CAST: variants seen among roughly 807,000 people sequenced by gnomAD.
CAST encodes MIR583 host.
Under a neutral mutation model 119.6 loss-of-function variants are expected in CAST, and 76 were observed. The observed-to-expected ratio is 0.64, with a 90% CI of 0.53 to 0.77. The LOEUF (loss-of-function observed/expected upper bound fraction) is 0.77. Among genes scored for constraint, CAST ranks in the 30% least tolerant of loss-of-function variants. The probability of loss-of-function intolerance (pLI) is 0.00; values close to 1 mark genes in which losing one functional copy is unlikely to be tolerated. For missense variants in CAST, 953 were observed against 946.5 expected, an observed-to-expected ratio of 1.01 and a Z score of -0.09; for synonymous variants, 319 against 331.6, an observed-to-expected ratio of 0.96 and a Z score of 0.41.
chr5:96,656,136 G>A (rs1012680616), intron 1 of CAST, among the ~76,000 whole-genome samples: 1 of 152,166 alleles, frequency 6.6e-6, no homozygotes, highest in African/African-American at 2.4e-5. Context: ...CAAATCATGT[G>A]CATTTATATG....
At chr5:96,080,878 G>A in the CAST span, among the ~76,000 whole-genome samples, 2 of 152,114 alleles carry the variant, frequency 1.3e-5, no homozygotes, top group African/African-American at 4.8e-5. Context: ...ATTTCCCTTT[G>A]AGCTCTCTTA....
chr5:96,198,916 T>C, the CAST span, among the ~76,000 whole-genome samples: 1 of 152,160 alleles, frequency 6.6e-6, no homozygotes, highest in African/African-American at 2.4e-5. Flanking sequence ...CCATTTTTCA[T>C]GTTCCATATC....
chr5:96,597,283 C>T (rs1477788250), intron 1 of CAST, among the ~76,000 whole-genome samples: 6 of 152,146 alleles, frequency 3.9e-5, no homozygotes, highest in Non-Finnish European at 7.3e-5. Context: ...TATCCATCTG[C>T]CCTAAAAAAG....
chr5:96,562,810 C>CA (rs796899480), intron 1 of CAST, among the ~76,000 whole-genome samples: 13 of 152,220 alleles, frequency 8.5e-5, no homozygotes, highest in African/African-American at 3.1e-4. Flanking sequence ...ATAAAAGAAA[C>CA]AAAATGAGGC....
Position 96,549,569 on chromosome 5 carries a change from G to A in CAST, c.60+19689G>A, listed in dbSNP as rs534368476. ...ACAGTGGGTGAAGCCCATGGTGGGCGAGTGGAAGCAGGGCGGGGCATCACC... is the reference window on the plus strand; with the variant it reads ...ACAGTGGGTGAAGCCCATGGTGGGCAAGTGGAAGCAGGGCGGGGCATCACC... On this transcript the variant is annotated intron_variant, in intron 1 of 11. Coordinates refer to the CAST transcript ENST00000505143. Among the ~76,000 whole-genome samples, 7 of 152,320 alleles carry A rather than the reference G, an allele frequency of 4.6e-5. No homozygotes were observed. In the South Asian group the frequency reaches 1.0e-3, roughly 23 times the overall value.
At chr5:96,682,225 A>C (rs982050409) in intron 2 of CAST, among the ~76,000 whole-genome samples, 2 of 152,218 alleles carry the variant, frequency 1.3e-5, no homozygotes, top group African/African-American at 4.8e-5. Flanking sequence ...GACATTCACT[A>C]ATCATCTGCC....
the CAST span, among the ~76,000 whole-genome samples, chr5:96,307,104 T>A: frequency 6.6e-6 from 1 of 152,216 alleles, no homozygotes; most frequent in African/African-American, 2.4e-5. Flanking sequence ...TGTAGGTCTT[T>A]TAGAAGTTGC....
chr5:96,753,923 C>A, intron 20 of CAST, 137 bp from the exon 21 acceptor site: 1 of 600,016 alleles, frequency 1.7e-6, no homozygotes, highest in Non-Finnish European at 3.1e-6. Context: ...GATTCTAATT[C>A]AGTTGATAAC....
At chr5:96,684,797 T>A (rs912373933) in intron 2 of CAST, among the ~76,000 whole-genome samples, 4 of 152,100 alleles carry the variant, frequency 2.6e-5, no homozygotes, top group African/African-American at 7.2e-5. Flanking sequence ...CTCGAACTCC[T>A]GACCTCAGGT....
chr5:96,234,020 G>A, the CAST span, among the ~76,000 whole-genome samples: 1 of 152,082 alleles, frequency 6.6e-6, no homozygotes, highest in African/African-American at 2.4e-5. Flanking sequence ...AGATCCTTTG[G>A]TTAGAGCATT....
At chr5:96,666,253 A>G (rs1270955042) in intron 1 of CAST, among the ~76,000 whole-genome samples, 2 of 78,266 alleles carry the variant, frequency 2.6e-5, no homozygotes, top group African/African-American at 1.7e-4. Flanking sequence ...ATGTGGTTGT[A>G]GTAAACACAC....
At chr5:95,975,850 T>G in the CAST span, among the ~76,000 whole-genome samples, 1 of 152,170 alleles carries the variant, frequency 6.6e-6, no homozygotes, top group Non-Finnish European at 1.5e-5. Flanking sequence ...ACTGGGCCCT[T>G]AATGATGTTA....
the CAST span, among the ~76,000 whole-genome samples, chr5:96,500,078 C>A: frequency 6.6e-6 from 1 of 151,842 alleles, no homozygotes; most frequent in Non-Finnish European, 1.5e-5. Context: ...TGGGAGCAGT[C>A]TGTGGCCCCC....
chr5:96,684,380 T>C (rs564102653), intron 2 of CAST, among the ~76,000 whole-genome samples: 258 of 152,306 alleles, frequency 1.7e-3, no homozygotes, highest in African/African-American at 6.0e-3. Flanking sequence ...TATTGATGTC[T>C]ACCTATGGGA....
chr5:96,692,747 C>CA (rs1212275949), intron 2 of CAST, among the ~76,000 whole-genome samples: 2 of 152,224 alleles, frequency 1.3e-5, no homozygotes, highest in African/African-American at 4.8e-5. Context: ...TCCCATCTCA[C>CA]AGTCTGTTCA....
At chr5:96,046,467 A>ACT in the CAST span, among the ~76,000 whole-genome samples, 4 of 152,054 alleles carry the variant, frequency 2.6e-5, no homozygotes, top group African/African-American at 9.7e-5. Context: ...TTCCATCTTC[A>ACT]CTCCACCATA....
the CAST span, chr5:96,392,924 A>C: frequency 2.1e-6 from 3 of 1,437,416 alleles, no homozygotes; most frequent in East Asian, 6.8e-5. Context: ...ATGACAAAAC[A>C]ACCACTTCAG....
chr5:96,388,050 G>T, the CAST span, among the ~76,000 whole-genome samples: 1 of 152,158 alleles, frequency 6.6e-6, no homozygotes, highest in African/African-American at 2.4e-5. Flanking sequence ...TATAGAGATG[G>T]GGTGCATATG....
At chr5:96,624,756 A>G (rs1235744517) in intron 1 of CAST, among the ~76,000 whole-genome samples, 1 of 152,208 alleles carries the variant, frequency 6.6e-6, no homozygotes, top group Non-Finnish European at 1.5e-5. Flanking sequence ...TCTCAATAAA[A>G]CAATAAAGCC....
Sources: gnomAD v4.1 joint callset for allele counts (sites outside exome capture counted in the v4.1 genomes callset) on GRCh38, gnomAD v4.1.1 for gene constraint, MANE v1.5 for transcripts, NCBI Gene and HGNC (gene_info 2026-07-23, HGNC 2026-07-21) for gene names.